CYP4F3: variants seen among roughly 807,000 people sequenced by gnomAD.
CYP4F3 encodes cytochrome P450 4F3.
CYP4F3 carries 50 observed loss-of-function variants against 54.8 expected under a neutral mutation model. The observed-to-expected ratio is 0.91, with a 90% CI of 0.73 to 1.16. CYP4F3 has a LOEUF of 1.16. CYP4F3 is among the 50% of genes most tolerant of loss of function. CYP4F3 has a pLI of 0.00. For synonymous variants in CYP4F3, 244 were observed against 262.6 expected (o/e 0.93, Z 0.69); for missense variants, 715 against 676.2 (o/e 1.06, Z -0.64).
intron 3 of CYP4F3, 22 bp downstream of exon 3, chr19:15,645,885 C>G: frequency 1.3e-6 from 2 of 1,584,798 alleles, no homozygotes; most frequent in Non-Finnish European, 1.7e-6. Flanking sequence ...ACTGGCCACT[C>G]CAGGTAGACA....
At position 15,658,509 on chromosome 19, in the gene CYP4F3, G is replaced by C; in HGVS notation, c.1268G>C (p.Ser423Thr). 6.2e-7 allele frequency: 1 copy of C among 1,614,186 alleles called. No homozygotes were observed. Among genetic ancestry groups the C allele is most frequent in the South Asian group, 1.1e-5 (1 of 91,084 alleles). ...VIPKGIICLI[S>T]VFGTHHNPAV... ...CCCACAGGCATTATCTGCCTCATCA[G>C]TGTTTTTGGAACCCATCACAACCCA... Residue 423 changes from serine to threonine, a missense_variant, in exon 11 of 13, where the codon AGT becomes ACT. Ser to Thr is a moderately conservative substitution (Grantham distance 58). Transcript: ENST00000221307.
At chr19:15,653,727 G>A (rs1158919726) in intron 9 of CYP4F3, among the ~76,000 whole-genome samples, 1 of 136,010 alleles carries the variant, frequency 7.4e-6, no homozygotes, top group Non-Finnish European at 1.6e-5. Flanking sequence ...GGGGGAGGAA[G>A]AGAGAGAGGA....
intron 2 of CYP4F3, among the ~76,000 whole-genome samples, chr19:15,641,911 C>A (rs1174253813): frequency 6.6e-6 from 1 of 152,112 alleles, no homozygotes; most frequent in Non-Finnish European, 1.5e-5. Flanking sequence ...AGGTGAACCC[C>A]TGGCGTTCCC....
rs190038838 is a variant in CYP4F3, at chr19:15,658,184, T to C, written c.1116-80T>C. ...TTTATTTCGTTACAGGGAGAAAAGG[T>C]CTCACTTGCAAACAGAGAGAAGCTG... On this transcript the variant is annotated intron_variant, in intron 9 of 12. Transcript: ENST00000221307. The C allele has an allele frequency of 1.7e-5, 27 of 1,573,690 alleles. No individual in the cohort carries two copies. In the Admixed American group the frequency reaches 4.7e-4, roughly 28 times the overall value.
rs551625376 is a variant in CYP4F3, at chr19:15,659,157, C to T, written c.1398-63C>T. 734 of 1,296,002 alleles carry T rather than the reference C, an allele frequency of 5.7e-4. No individual in the cohort carries two copies. The African/African-American group carries it at 7.5e-3, about 13-fold the overall frequency. The allele number at this position is 1,296,002 out of a possible 1,614,324, so 80.3% of individuals were successfully genotyped here. ...GGTTGGGTGTCCCAGGCCAGGTTACCGGCTTGATGGGGCCAGGATGGGGCA... is the reference window on the plus strand; with the variant it reads ...GGTTGGGTGTCCCAGGCCAGGTTACTGGCTTGATGGGGCCAGGATGGGGCA... On this transcript the variant is annotated intron_variant, in intron 12 of 12. Coordinates refer to ENST00000221307, the MANE Select transcript of CYP4F3 (RefSeq NM_000896.3).
In CYP4F3 at chr19:15,641,725, G is replaced by A. The variant is rs991620875; in HGVS notation, c.198+112G>A. 32 of 1,212,896 alleles carry A rather than the reference G, an allele frequency of 2.6e-5. No homozygotes were observed. In the Admixed American group the frequency reaches 6.3e-4, roughly 24 times the overall value. The allele number at this position is 1,212,896 out of a possible 1,614,324, so 75.1% of individuals were successfully genotyped here. A position where few individuals can be genotyped will look rare whatever the true frequency, so the allele number is the denominator to read the frequency against. ...GGCTGGGGTCTGGGGTGGCAGAGAA[G>A]CAGGGGAGGCGTCTTACTCATTCCT... On this transcript the variant is annotated intron_variant, in intron 2 of 12. Transcript: ENST00000221307.
At chr19:15,645,554 C>T (rs1337515056) in intron 2 of CYP4F3, among the ~76,000 whole-genome samples, 165 bp from the exon 3 acceptor site, 1 of 152,276 alleles carries the variant, frequency 6.6e-6, no homozygotes, top group African/African-American at 2.4e-5. Context: ...CTGGAGAGTC[C>T]TGCATGGAGG....
chr19:15,650,985 C>T (rs1234496335), intron 7 of CYP4F3, among the ~76,000 whole-genome samples: 3 of 150,724 alleles, frequency 2.0e-5, no homozygotes, highest in African/African-American at 7.4e-5. Flanking sequence ...AAGTGATTCT[C>T]CTACCTCAGC....
chr19:15,646,940 A>G (rs1972643231), intron 3 of CYP4F3, 112 bp from the exon 4 acceptor site: 10 of 1,460,330 alleles, frequency 6.8e-6, no homozygotes, highest in Admixed American at 3.9e-5. Context: ...TCTTCTTGCT[A>G]TGTGGGGCTT....
intron 9 of CYP4F3, among the ~76,000 whole-genome samples, chr19:15,654,865 A>G (rs1972971862): frequency 6.6e-6 from 1 of 152,210 alleles, no homozygotes; most frequent in South Asian, 2.1e-4. Flanking sequence ...TCTTTGGGAT[A>G]GAAATTTCTT....
At chr19:15,658,931 T>C (rs1973111762) in intron 12 of CYP4F3, 122 bp downstream of exon 12, 1 of 1,382,006 alleles carries the variant, frequency 7.2e-7, no homozygotes, top group Non-Finnish European at 1.0e-6. Context: ...CCTCACCTCC[T>C]CTGGAGTTTA....
At position 15,659,277 on chromosome 19, in the gene CYP4F3, G is replaced by A; in HGVS notation, c.1455G>A (p.Thr485=). 12 of 1,613,390 alleles carry A rather than the reference G, an allele frequency of 7.4e-6. No homozygotes were observed. The African/African-American group carries it at 8.0e-5, about 11-fold the overall frequency. The change falls in exon 13 of 13, where the codon ACG becomes ACA. Residue 485 remains threonine, a synonymous_variant. Coordinates refer to ENST00000221307, the MANE Select transcript of CYP4F3 (RefSeq NM_000896.3). ...MAEMKVVLGL[T]LLRFRVLPDH... Reference sequence around the variant, plus strand: ...AGATGAAGGTGGTCCTGGGGCTCACGCTGCTGCGCTTCCGCGTCCTGCCTG... The same window carrying A: ...AGATGAAGGTGGTCCTGGGGCTCACACTGCTGCGCTTCCGCGTCCTGCCTG...
chr19:15,649,233 T>C lies in CYP4F3; in HGVS notation c.599T>C (p.Leu200Ser). 2 of 1,613,394 alleles carry C rather than the reference T, an allele frequency of 1.2e-6. No individual in the cohort carries two copies. Among genetic ancestry groups the C allele is most frequent in the African/African-American group, 1.3e-5 (1 of 74,988 alleles). Residue 200 changes from leucine (L) to serine (S), a missense_variant, in exon 6 of 13, where the codon TTG becomes TCG. Transcript: ENST00000221307. ...TTTGAGCACATCAGCCTCATGACCT[T>C]GGACAGTCTGCAGAAATGTGTCTTC... ...DMFEHISLMT[L>S]DSLQKCVFSF...
At chr19:15,654,424 A>G (rs1302935776) in intron 9 of CYP4F3, among the ~76,000 whole-genome samples, 1 of 152,232 alleles carries the variant, frequency 6.6e-6, no homozygotes, top group Non-Finnish European at 1.5e-5. Flanking sequence ...AATGTACAGT[A>G]CATATTGTAA....
chr19:15,645,373 T>C (rs1379490918), intron 2 of CYP4F3, among the ~76,000 whole-genome samples: 2 of 152,216 alleles, frequency 1.3e-5, no homozygotes, highest in African/African-American at 2.4e-5. Context: ...TGGGTGCAGA[T>C]AGACCCAGTC....
chr19:15,652,439 G>A (rs1024482581), intron 7 of CYP4F3, 130 bp from the exon 8 acceptor site: 28 of 1,397,156 alleles, frequency 2.0e-5, no homozygotes, highest in African/African-American at 4.3e-5. Flanking sequence ...GTCTAGGAGA[G>A]CAAGATGGGC....
chr19:15,641,548 T>C lies in CYP4F3; in HGVS notation c.133T>C (p.Cys45Arg). The C allele has an allele frequency of 1.2e-6, 2 of 1,614,156 alleles. No homozygotes were observed. Among genetic ancestry groups the C allele is most frequent in the Non-Finnish European group, 1.7e-6 (2 of 1,180,022 alleles). The stretch of plus-strand genomic sequence containing the variant: ...CTGGACCTATACCTTCTATGACAAC[T>C]GCTGCCGCCTCCGGTGTTTCCCGCA... Reference protein sequence around the residue: ...LAWTYTFYDNCCRLRCFPQPP... With the variant: ...LAWTYTFYDNRCRLRCFPQPP... The change falls in exon 2 of 13, where the codon TGC becomes CGC. Residue 45 changes from cysteine (C) to arginine (R), a missense_variant. Coordinates refer to ENST00000221307, the MANE Select transcript of CYP4F3 (RefSeq NM_000896.3).
chr19:15,645,009 G>A (rs1972581373), intron 2 of CYP4F3, among the ~76,000 whole-genome samples: 1 of 152,232 alleles, frequency 6.6e-6, no homozygotes, highest in East Asian at 1.9e-4. Context: ...GGCATGGCTG[G>A]ATCCAGGTCT....
Position 15,647,048 on chromosome 19 carries a change from T to C in CYP4F3, c.344-4T>C, listed in dbSNP as rs748717990. ...TGGCCCCTGATTGTCCTCATTTATGTCAGCTGCCATTGTACCAAAGGACAA... is the reference window on the plus strand; with the variant it reads ...TGGCCCCTGATTGTCCTCATTTATGCCAGCTGCCATTGTACCAAAGGACAA... On this transcript the variant is annotated splice_polypyrimidine_tract_variant and splice_region_variant and intron_variant, in intron 3 of 12. Transcript: ENST00000221307. The C allele has an allele frequency of 6.2e-7, 1 of 1,614,198 alleles. No individual in the cohort carries two copies. The highest frequency in any genetic ancestry group is 8.5e-7 in the Non-Finnish European group (1 of 1,180,014).
Sources: allele counts gnomAD v4.1 joint callset (sites outside exome capture counted in the v4.1 genomes callset), GRCh38; gene constraint gnomAD v4.1.1; transcripts MANE v1.5; gene names NCBI Gene and HGNC (gene_info 2026-07-23, HGNC 2026-07-21).